ADPRS: variants seen among roughly 807,000 people sequenced by gnomAD.
ADPRS encodes ADP-ribosylserine hydrolase.
ADPRS carries 25 observed loss-of-function variants against 32.1 expected under a neutral mutation model. The ratio of observed to expected loss-of-function variants is 0.78; its 90% CI spans 0.57 to 1.09. ADPRS has a LOEUF of 1.09. ADPRS is among the 50% of genes least tolerant of loss of function. The probability of loss-of-function intolerance (pLI) is 0.00; values close to 1 mark genes in which losing one functional copy is unlikely to be tolerated. For missense variants in ADPRS, 482 were observed against 480.6 expected (o/e 1.00, Z -0.03); for synonymous variants, 225 against 201.0 (o/e 1.12, Z -1.01).
Position 36,093,192 on chromosome 1 carries a change from A to G in ADPRS, c.898A>G (p.Ser300Gly). 6.2e-7 allele frequency: 1 copy of G among 1,614,166 alleles called. No homozygotes were observed. ...PDPEIPSAFN[S>G]LQRTLIYSIS... is the part of the protein sequence containing the mutation. ...CCCTGAGATCCCTTCTGCCTTCAAT[A>G]GCCTCCAAAGGACTCTCATTTATTC... Residue 300 changes from serine (S) to glycine (G), a missense_variant, in exon 6 of 6, where the codon AGC (serine) becomes GGC (glycine). Physicochemically the swap from Ser to Gly is moderately conservative, Grantham distance 56. Coordinates refer to ENST00000373178, the MANE Select transcript of ADPRS (RefSeq NM_017825.3).
Position 36,093,330 on chromosome 1 carries a change from T to C in ADPRS, c.1036T>C (p.Tyr346His), listed in dbSNP as rs774494380. Residue 346 changes from tyrosine (Y) to histidine (H), a missense_variant, in exon 6 of 6, where the codon TAC becomes CAC. Transcript: ENST00000373178. Reference protein sequence around the residue: ...PESWQQSCEGYEETDILAQSL... With the variant: ...PESWQQSCEGHEETDILAQSL... ...GAGCTGGCAGCAAAGCTGTGAAGGC[T>C]ACGAGGAGACAGACATCCTGGCCCA... 1 of 1,614,238 alleles carries C rather than the reference T, an allele frequency of 6.2e-7. No individual in the cohort carries two copies. Among genetic ancestry groups the C allele is most frequent in the South Asian group, 1.1e-5 (1 of 91,088 alleles).
chr1:36,090,726 C>T (rs1215745910), intron 1 of ADPRS, among the ~76,000 whole-genome samples: 1 of 142,266 alleles, frequency 7.0e-6, no homozygotes, highest in African/African-American at 2.6e-5. Context: ...GTGGTGTGCA[C>T]CTGTAGTCCC....
chr1:36,089,393 C>G (rs959722862), intron 1 of ADPRS, among the ~76,000 whole-genome samples: 1 of 152,252 alleles, frequency 6.6e-6, no homozygotes, highest in African/African-American at 2.4e-5. Flanking sequence ...TTGAAAATAC[C>G]TGAAGTGGAA....
At chr1:36,092,934 C>G (rs1643505027) in intron 5 of ADPRS, among the ~76,000 whole-genome samples, 163 bp from the exon 6 acceptor site, 1 of 152,232 alleles carries the variant, frequency 6.6e-6, no homozygotes, top group Non-Finnish European at 1.5e-5. Context: ...CTCTCCCAGT[C>G]ACGCAGCCAG....
chr1:36,089,128 G>T lies in ADPRS; in HGVS notation c.211+13G>T. ...AGTGAGCGGACAGGTGGGCGGGGCC[G>T]GGCGCAAGTCAGAGGCCGTGCGGGA... On this transcript the variant is annotated intron_variant, in intron 1 of 5. Coordinates refer to ENST00000373178, the MANE Select transcript of ADPRS (RefSeq NM_017825.3). The T allele has an allele frequency of 5.7e-6, 8 of 1,405,796 alleles. No individual in the cohort carries two copies. Among genetic ancestry groups the T allele is most frequent in the Non-Finnish European group, 6.5e-6 (7 of 1,081,046 alleles). The allele number at this position is 1,405,796 out of a possible 1,614,324, so 87.1% of individuals were successfully genotyped here. A position where few individuals can be genotyped will look rare whatever the true frequency, so the allele number is the denominator to read the frequency against.
chr1:36,089,426 C>T (rs1441252894), intron 1 of ADPRS, among the ~76,000 whole-genome samples: 1 of 152,232 alleles, frequency 6.6e-6, no homozygotes, highest in Non-Finnish European at 1.5e-5. Context: ...GCTTAGACGA[C>T]CGTTTTATCT....
Position 36,090,679 on chromosome 1 carries a change from C to CAAAAAAAAAAAAA in ADPRS, c.212-551_212-539dup, listed in dbSNP as rs10625386. On this transcript the variant is annotated intron_variant, in intron 1 of 5. Coordinates refer to ENST00000373178, the MANE Select transcript of ADPRS (RefSeq NM_017825.3). ...GCAACAGGATGAAACTCCATCTCTA[C>CAAAAAAAAAAAAA]AAAAAAAAAAAAAAAAAAAAAAAAA... Among the ~76,000 whole-genome samples, 5 of 65,330 alleles carry CAAAAAAAAAAAAA rather than the reference C, an allele frequency of 7.7e-5. 2 individuals are homozygous for CAAAAAAAAAAAAA. The highest frequency in any genetic ancestry group is 1.7e-4 in the African/African-American group (3 of 18,138). The allele number at this position is 65,330 out of a possible 152,430, so 42.9% of individuals were successfully genotyped here. A position where few individuals can be genotyped will look rare whatever the true frequency, so the allele number is the denominator to read the frequency against.
At chr1:36,090,929 G>T (rs1315237011) in intron 1 of ADPRS, among the ~76,000 whole-genome samples, 1 of 152,096 alleles carries the variant, frequency 6.6e-6, no homozygotes, top group Non-Finnish European at 1.5e-5. Flanking sequence ...CCAGCTCTTT[G>T]GGAGGCCAAG....
intron 3 of ADPRS, 26 bp downstream of exon 3, chr1:36,091,851 GCTGT>G: frequency 2.5e-6 from 4 of 1,587,746 alleles, no homozygotes; most frequent in Non-Finnish European, 2.6e-6. Flanking sequence ...TGGCTTCTGG[GCTGT>G]CCCCTTCCTC....
intron 1 of ADPRS, among the ~76,000 whole-genome samples, chr1:36,090,191 G>A (rs1281920442): frequency 2.0e-5 from 3 of 152,100 alleles, no homozygotes; most frequent in Non-Finnish European, 4.4e-5. Context: ...GTATGGTGGC[G>A]CACACCTATA....
chr1:36,092,084 G>A lies in ADPRS; in HGVS notation c.691G>A (p.Asp231Asn). The A allele has an allele frequency of 6.2e-7, 1 of 1,606,982 alleles. No individual in the cohort carries two copies. The highest frequency in any genetic ancestry group is 8.5e-7 in the Non-Finnish European group (1 of 1,175,458). Residue 231 changes from aspartate (D) to asparagine (N), a missense_variant, in exon 4 of 6, where the codon GAT (aspartate) becomes AAT (asparagine). Transcript: ENST00000373178. The stretch of plus-strand genomic sequence containing the variant: ...GGAGGGTGATGCCCAGTCCGTCTTG[G>A]ATGCCAGGGAGTGAGTATGGGGCTG... Reference protein sequence around the residue: ...DLEGDAQSVLDARELGMEERP... With the variant: ...DLEGDAQSVLNARELGMEERP...
At position 36,092,060 on chromosome 1, in the gene ADPRS, G is replaced by A; in HGVS notation, c.667G>A (p.Glu223Lys). Residue 223 changes from glutamate (E) to lysine (K), a missense_variant, in exon 4 of 6, where the codon GAG becomes AAG. Glu to Lys is a moderately conservative substitution (Grantham distance 56). Transcript: ENST00000373178. The stretch of plus-strand genomic sequence containing the variant: ...ACTCCTGGGCCACATGGAGGATCTG[G>A]AGGGTGATGCCCAGTCCGTCTTGGA... Reference protein sequence around the residue: ...KQLLGHMEDLEGDAQSVLDAR... With the variant: ...KQLLGHMEDLKGDAQSVLDAR... 7 of 1,613,360 alleles carry A rather than the reference G, an allele frequency of 4.3e-6. No individual in the cohort carries two copies. The highest frequency in any genetic ancestry group is 5.9e-6 in the Non-Finnish European group (7 of 1,179,638).
chr1:36,088,924 C>G lies in ADPRS; in HGVS notation c.20C>G (p.Ala7Gly), dbSNP rs1398056859. 2 of 1,525,604 alleles carry G rather than the reference C, an allele frequency of 1.3e-6. No homozygotes were observed. The highest frequency in any genetic ancestry group is 2.0e-5 in the Admixed American group (1 of 49,892). 94.5% of individuals were successfully genotyped at this position (1,525,604 alleles called of 1,614,324 possible). A position where few individuals can be genotyped will look rare whatever the true frequency, so the allele number is the denominator to read the frequency against. ...GCGCGGATGGCCGCAGCGGCGATGG[C>G]GGCAGCGGCAGGTGGAGGGGCTGGC... MAAAAMAAAAGGGAGAA... is the reference protein window; with the variant it reads MAAAAMGAAAGGGAGAA... The change falls in exon 1 of 6, where the codon GCG becomes GGG. Residue 7 changes from alanine (A) to glycine (G), a missense_variant. Physicochemically the swap from Ala to Gly is moderately conservative, Grantham distance 60. Transcript: ENST00000373178.
chr1:36,091,518 C>G, intron 2 of ADPRS, 100 bp from the exon 3 acceptor site: 1 of 1,300,302 alleles, frequency 7.7e-7, no homozygotes, highest in Non-Finnish European at 1.1e-6. Flanking sequence ...CCTTAGGCCC[C>G]CGAGGCTTTC....
At chr1:36,089,466 C>T (rs369897264) in intron 1 of ADPRS, among the ~76,000 whole-genome samples, 1 of 152,216 alleles carries the variant, frequency 6.6e-6, no homozygotes, top group Non-Finnish European at 1.5e-5. Context: ...GTCGAGGAGC[C>T]TATGAATGCG....
At chr1:36,092,201 C>T in intron 4 of ADPRS, 107 bp downstream of exon 4, 1 of 1,418,516 alleles carries the variant, frequency 7.0e-7, no homozygotes, top group Non-Finnish European at 9.5e-7. Context: ...CCTAGGGAGG[C>T]ATGGGCAGAA....
intron 3 of ADPRS, 21 bp downstream of exon 3, chr1:36,091,846 T>C: frequency 6.3e-7 from 1 of 1,588,134 alleles, no homozygotes; most frequent in Non-Finnish European, 8.6e-7. Context: ...CGGGCTGGCT[T>C]CTGGGCTGTC....
intron 2 of ADPRS, 21 bp downstream of exon 2, chr1:36,091,361 C>T: frequency 6.2e-7 from 1 of 1,608,950 alleles, no homozygotes; most frequent in South Asian, 1.1e-5. Flanking sequence ...TGGTCCTGGG[C>T]TGAGGCAAAC....
intron 2 of ADPRS, 57 bp from the exon 3 acceptor site, chr1:36,091,561 C>G: frequency 3.3e-6 from 5 of 1,495,422 alleles, no homozygotes; most frequent in Non-Finnish European, 4.5e-6. Context: ...TTTCTTCTCT[C>G]CCAACCCTTA....
Sources: allele counts gnomAD v4.1 joint callset (sites outside exome capture counted in the v4.1 genomes callset), GRCh38; gene constraint gnomAD v4.1.1; transcripts MANE v1.5; gene names NCBI Gene and HGNC (gene_info 2026-07-23, HGNC 2026-07-21).